ADAMTS6: variants seen among roughly 807,000 people sequenced by gnomAD.
The protein encoded by ADAMTS6 is ADAM metallopeptidase with thrombospondin type 1 motif 6, also known as A disintegrin and metalloproteinase with thrombospondin motifs 6.
A neutral mutation model predicts 144.3 loss-of-function variants in ADAMTS6; 23 were observed. The ratio of observed to expected loss-of-function variants is 0.16; its 90% confidence interval spans 0.11 to 0.23. ADAMTS6 has a LOEUF of 0.23. ADAMTS6 is among the 10% of genes least tolerant of loss of function. The pLI is 1.00. For synonymous variants in ADAMTS6, 444 were observed against 457.5 expected (o/e 0.97, Z 0.38); for missense variants, 999 against 1,379.6 (o/e 0.72, Z 4.37).
In ADAMTS6 at chr5:65,320,383, A is replaced by G. The variant is rs745619508; in HGVS notation, c.1223+8995T>C. Among the ~76,000 whole-genome samples, 31 of 152,168 alleles carry G rather than the reference A, an allele frequency of 2.0e-4. 1 individual carries two copies. Among genetic ancestry groups the G allele is most frequent in the South Asian group, 4.1e-4 (2 of 4,832 alleles). On this transcript the variant is annotated intron_variant, in intron 9 of 24. Transcript: ENST00000381055. Reference sequence around the variant, plus strand: ...AAACAAGGACTCAGAAGATTTAGAAAATGTTATCCTATATCTAATAAAGAA... The same window carrying G: ...AAACAAGGACTCAGAAGATTTAGAAGATGTTATCCTATATCTAATAAAGAA...
intron 21 of ADAMTS6, among the ~76,000 whole-genome samples, chr5:65,192,228 G>T (rs1236960273): frequency 2.3e-5 from 3 of 130,554 alleles, no homozygotes; most frequent in Non-Finnish European, 3.5e-5. Context: ...CAGCACTTTT[G>T]CTTATAACTC....
intron 7 of ADAMTS6, among the ~76,000 whole-genome samples, chr5:65,359,388 C>A (rs1197062711): frequency 6.6e-6 from 1 of 152,042 alleles, no homozygotes; most frequent in African/African-American, 2.4e-5. Flanking sequence ...GAATGGCTAT[C>A]ATCAAATAGA....
chr5:65,230,302 A>ATATATATGAAATATATATATAATACAT lies in ADAMTS6; in HGVS notation c.1934-4084_1934-4083insATGTATTATATATATATTTCATATATA, dbSNP rs1191654953. Among the ~76,000 whole-genome samples the ATATATATGAAATATATATATAATACAT allele has an allele frequency of 5.0e-5, 4 of 80,110 alleles. 1 individual carries two copies. Among genetic ancestry groups the ATATATATGAAATATATATATAATACAT allele is most frequent in the African/African-American group, 2.1e-4 (4 of 18,656 alleles). 52.6% of individuals were successfully genotyped at this position (80,110 alleles called of 152,430 possible). Reference sequence around the variant, plus strand: ...ATACCTAAAGCATATATATATATATATATATATATGAAATATATATAATAC... The same window carrying ATATATATGAAATATATATATAATACAT: ...ATACCTAAAGCATATATATATATATATATATATGAAATATATATATAATACATTATATATATGAAATATATATAATAC... On this transcript the variant is annotated intron_variant, in intron 15 of 24. Transcript: ENST00000381055.
chr5:65,294,222 CT>C (rs1489433214), intron 10 of ADAMTS6, among the ~76,000 whole-genome samples: 1 of 152,032 alleles, frequency 6.6e-6, no homozygotes, highest in African/African-American at 2.4e-5. Flanking sequence ...TGTTTTAATT[CT>C]TTTGTTTTTG....
chr5:65,265,601 A>G (rs1194462433), intron 12 of ADAMTS6, among the ~76,000 whole-genome samples: 5 of 152,012 alleles, frequency 3.3e-5, no homozygotes, highest in Non-Finnish European at 7.4e-5. Context: ...TCTGCAATTA[A>G]TGAGAACTGA....
intron 5 of ADAMTS6, 120 bp downstream of exon 5, chr5:65,452,587 T>C: frequency 9.4e-7 from 1 of 1,059,446 alleles, no homozygotes; most frequent in Admixed American, 2.9e-5. Context: ...CTAGACCAAT[T>C]TTTTACCATT....
chr5:65,169,636 C>A (rs7720869), intron 24 of ADAMTS6, among the ~76,000 whole-genome samples: 17,653 of 148,978 alleles, frequency 0.12, 1,537 homozygotes, highest in African/African-American at 0.24. Context: ...GGAACCAACC[C>A]AAATGTCCAA....
chr5:65,480,997 A>G (rs1052581651), intron 1 of ADAMTS6, among the ~76,000 whole-genome samples: 26 of 152,200 alleles, frequency 1.7e-4, no homozygotes, highest in Non-Finnish European at 7.3e-5. Context: ...ACACATCATT[A>G]TTACCTTCCG....
chr5:65,169,771 T>C (rs1312566330), intron 24 of ADAMTS6, among the ~76,000 whole-genome samples: 1 of 151,042 alleles, frequency 6.6e-6, no homozygotes, highest in Non-Finnish European at 1.5e-5. Flanking sequence ...TCATTCTCAG[T>C]AAACTATCGC....
intron 4 of ADAMTS6, among the ~76,000 whole-genome samples, chr5:65,454,275 C>G (rs115949991): frequency 0.01 from 1,575 of 152,260 alleles, 27 homozygotes; most frequent in African/African-American, 0.036. Flanking sequence ...TATTCTGTTA[C>G]AGCAGCAAGA....
At chr5:65,321,145 GAA>G (rs768211620) in intron 9 of ADAMTS6, among the ~76,000 whole-genome samples, 15 of 152,154 alleles carry the variant, frequency 9.9e-5, no homozygotes, top group Non-Finnish European at 1.6e-4. Flanking sequence ...TACAATGGCT[GAA>G]CTAATTTACA....
chr5:65,469,527 T>A (rs920083635), intron 3 of ADAMTS6, among the ~76,000 whole-genome samples: 9 of 152,202 alleles, frequency 5.9e-5, no homozygotes, highest in African/African-American at 2.2e-4. Flanking sequence ...TTTAAAAAAA[T>A]AAATCTGTTT....
At chr5:65,278,447 A>T (rs1408012650) in intron 11 of ADAMTS6, among the ~76,000 whole-genome samples, 2 of 152,192 alleles carry the variant, frequency 1.3e-5, no homozygotes, top group Non-Finnish European at 2.9e-5. Context: ...GTCCATCAGC[A>T]ATGTGTAAGT....
In ADAMTS6 at chr5:65,389,196, T is replaced by C. The variant is rs536224391; in HGVS notation, c.1074-55111A>G. ...TCCAGCCTGGGCGACAGAGCGAGAC[T>C]CCATCTCAAAGAAAAAAAAAAAGAA... is the stretch of plus-strand genomic sequence containing the variant. On this transcript the variant is annotated intron_variant, in intron 7 of 24. Coordinates refer to ENST00000381055, the MANE Select transcript of ADAMTS6 (RefSeq NM_197941.4). Among the ~76,000 whole-genome samples the C allele has an allele frequency of 1.7e-3, 252 of 151,172 alleles. 5 individuals carry two copies. Among genetic ancestry groups the C allele is most frequent in the Non-Finnish European group, 8.5e-4 (58 of 67,870 alleles).
intron 9 of ADAMTS6, among the ~76,000 whole-genome samples, chr5:65,318,574 G>C (rs1745239990): frequency 6.6e-6 from 1 of 152,174 alleles, no homozygotes; most frequent in African/African-American, 2.4e-5. Context: ...CCTGCCATTT[G>C]CAACAACGTG....
intron 1 of ADAMTS6, among the ~76,000 whole-genome samples, chr5:65,475,116 A>G (rs1760754560): frequency 6.6e-6 from 1 of 152,150 alleles, no homozygotes; most frequent in African/African-American, 2.4e-5. Flanking sequence ...TTGTTGGTTG[A>G]AAAAAATGGA....
Position 65,473,873 on chromosome 5 carries a change from T to G in ADAMTS6, c.-200A>C. The G allele has an allele frequency of 3.9e-6, 2 of 514,184 alleles. No homozygotes were observed. The highest frequency in any genetic ancestry group is 3.5e-6 in the Non-Finnish European group (1 of 288,240). 31.9% of individuals were successfully genotyped at this position (514,184 alleles called of 1,614,324 possible). ...CTGGATTCATTTTCTCAATCCAAAA[T>G]GAAAAAAATAATGATGGTAAAAGTT... On this transcript the variant is annotated 5_prime_UTR_variant, in exon 2 of 25. Transcript: ENST00000381055.
At chr5:65,378,449 C>A (rs1751749679) in intron 7 of ADAMTS6, among the ~76,000 whole-genome samples, 1 of 152,126 alleles carries the variant, frequency 6.6e-6, no homozygotes, top group South Asian at 2.1e-4. Flanking sequence ...GAATTGACCT[C>A]TCTACTTCCA....
intron 7 of ADAMTS6, among the ~76,000 whole-genome samples, chr5:65,389,963 T>TC (rs1752780613): frequency 6.6e-6 from 1 of 152,140 alleles, no homozygotes; most frequent in Non-Finnish European, 1.5e-5. Context: ...TGTAGAGTGT[T>TC]CAAGAGAACT....
Sources: allele counts gnomAD v4.1 joint callset (sites outside exome capture counted in the v4.1 genomes callset), GRCh38; gene constraint gnomAD v4.1.1; transcripts MANE v1.5; gene names NCBI Gene and HGNC (gene_info 2026-07-23, HGNC 2026-07-21).